Variants in PLXNA4 observed in about 807,000 individuals in gnomAD.
PLXNA4 encodes the protein plexin-A4.
Under a neutral mutation model 191.8 loss-of-function variants are expected in PLXNA4, and 44 were observed. That is an observed-to-expected ratio of 0.23 (90% confidence interval 0.18 to 0.29). PLXNA4 has a LOEUF of 0.29. Among genes scored for constraint, PLXNA4 ranks in the 10% least tolerant of loss-of-function variants. The pLI is 1.00. For synonymous variants in PLXNA4, 1,082 were observed against 1,009.5 expected (o/e 1.07, Z -1.36); for missense variants, 1,800 against 2,488.8 (o/e 0.72, Z 5.89).
chr7:132,361,198 G>T (rs62466416), intron 3 of PLXNA4, among the ~76,000 whole-genome samples: 3 of 152,192 alleles, frequency 2.0e-5, no homozygotes, highest in South Asian at 4.1e-4. Context: ...GAGAAGTGTC[G>T]CAGGTTGGCA....
intron 4 of PLXNA4, among the ~76,000 whole-genome samples, chr7:132,290,102 A>G (rs1246884207): frequency 2.0e-5 from 3 of 152,238 alleles, no homozygotes; most frequent in African/African-American, 4.8e-5. Context: ...GAGCACCGGC[A>G]GCTCAGAAGG....
chr7:132,537,554 T>TA (rs1191805306), intron 1 of PLXNA4, among the ~76,000 whole-genome samples: 1 of 152,206 alleles, frequency 6.6e-6, no homozygotes, highest in Non-Finnish European at 1.5e-5. Flanking sequence ...ATTCTCTAGT[T>TA]AGAGACAAAC....
At chr7:132,590,821 A>G (rs946167588) in intron 2 of PLXNA4, among the ~76,000 whole-genome samples, 7 of 152,234 alleles carry the variant, frequency 4.6e-5, no homozygotes, top group Admixed American at 2.0e-4. Flanking sequence ...TTGGCACTCA[A>G]TATTAACCAT....
chr7:132,449,982 T>G (rs1442126952), intron 3 of PLXNA4, among the ~76,000 whole-genome samples: 1 of 152,230 alleles, frequency 6.6e-6, no homozygotes, highest in African/African-American at 2.4e-5. Flanking sequence ...TGGCCTCTGA[T>G]GAAATGCCTC....
intron 9 of PLXNA4, among the ~76,000 whole-genome samples, chr7:132,221,474 C>A (rs931980880): frequency 2.0e-5 from 3 of 152,152 alleles, no homozygotes; most frequent in Non-Finnish European, 4.4e-5. Context: ...GAAAAGGATT[C>A]TTCTCACATC....
chr7:132,163,780 C>T (rs148412735), intron 24 of PLXNA4, among the ~76,000 whole-genome samples: 79 of 152,336 alleles, frequency 5.2e-4, no homozygotes, highest in African/African-American at 1.9e-3. Flanking sequence ...CTGTCCCCCA[C>T]TCTCTGCCTG....
chr7:132,431,165 C>T (rs373649906), intron 3 of PLXNA4, among the ~76,000 whole-genome samples: 60 of 152,300 alleles, frequency 3.9e-4, no homozygotes, highest in African/African-American at 1.3e-3. Flanking sequence ...AAGTGCTTAC[C>T]CTCGTGCCCT....
chr7:132,135,851 C>T (rs1179049090), intron 30 of PLXNA4, among the ~76,000 whole-genome samples: 2 of 152,112 alleles, frequency 1.3e-5, no homozygotes, highest in Non-Finnish European at 2.9e-5. Context: ...TTTCCTGTTC[C>T]CTTTGCACTG....
chr7:132,332,544 A>G (rs1802629993), intron 3 of PLXNA4, among the ~76,000 whole-genome samples: 1 of 152,104 alleles, frequency 6.6e-6, no homozygotes. Flanking sequence ...CACTGGGAGA[A>G]TTTATTCCAG....
At position 132,576,346 on chromosome 7, in the gene PLXNA4, G is replaced by A; in HGVS notation, c.-87+76C>T. 1 of 977,050 alleles carries A rather than the reference G, an allele frequency of 1.0e-6. No homozygotes were observed. The highest frequency in any genetic ancestry group is 1.2e-6 in the Non-Finnish European group (1 of 822,212). The allele number at this position is 977,050 out of a possible 1,614,324, so 60.5% of individuals were successfully genotyped here. A position where few individuals can be genotyped will look rare whatever the true frequency, so the allele number is the denominator to read the frequency against. On this transcript the variant is annotated intron_variant, in intron 1 of 31. Transcript: ENST00000321063. This position sits in a 1 kb window ranked among gnomAD's most constrained non-coding sequence, Gnocchi z 5.8. ...GGCTCCGGGACACTGAGGACTCCCG[G>A]GTCGGCCCAGGTCTGTCCGACCTTG...
intron 1 of PLXNA4, among the ~76,000 whole-genome samples, chr7:132,524,441 C>T (rs1398636988): frequency 2.6e-5 from 4 of 152,202 alleles, no homozygotes; most frequent in African/African-American, 9.7e-5. Context: ...TCATATACTT[C>T]TTAGCAAGGA....
chr7:132,251,449 G>T (rs1179935656), intron 4 of PLXNA4, among the ~76,000 whole-genome samples: 1 of 152,098 alleles, frequency 6.6e-6, no homozygotes, highest in Non-Finnish European at 1.5e-5. Context: ...CTAACTCCTG[G>T]CCCAGGCAGC....
rs1391879858 is a variant in PLXNA4 at position 132,132,445 on chromosome 7, C to CTGT, written c.5589+601_5589+603dup. Among the ~76,000 whole-genome samples, 29 of 51,672 alleles carry CTGT rather than the reference C, an allele frequency of 5.6e-4. 2 individuals are homozygous for CTGT. Among genetic ancestry groups the CTGT allele is most frequent in the South Asian group, 2.0e-3 (2 of 1,000 alleles). 33.9% of individuals were successfully genotyped at this position (51,672 alleles called of 152,430 possible). A position where few individuals can be genotyped will look rare whatever the true frequency, so the allele number is the denominator to read the frequency against. ...CTGTTCTGTTCTGTTCTGTTCTGTT[C>CTGT]TGTTCTGTTCTGTTCTGTTCTGCTC... On this transcript the variant is annotated intron_variant, in intron 31 of 31. Transcript: ENST00000321063.
intron 3 of PLXNA4, chr7:132,485,103 G>A: frequency 6.4e-7 from 1 of 1,552,680 alleles, no homozygotes; most frequent in Non-Finnish European, 8.7e-7. Flanking sequence ...TTCCCAATAA[G>A]AATGGTTTTT....
chr7:132,295,076 C>T (rs967245018), intron 4 of PLXNA4, among the ~76,000 whole-genome samples: 1 of 152,184 alleles, frequency 6.6e-6, no homozygotes, highest in Admixed American at 6.5e-5. Flanking sequence ...GAAGTGCTTC[C>T]CTTATCTGAC....
intron 3 of PLXNA4, among the ~76,000 whole-genome samples, chr7:132,438,106 C>T (rs746468005): frequency 4.6e-5 from 7 of 152,104 alleles, no homozygotes; most frequent in Non-Finnish European, 1.0e-4. Flanking sequence ...AACCTCAGCA[C>T]GACTTACAGG....
At chr7:132,578,129 G>T (rs976865315), upstream of PLXNA4, among the ~76,000 whole-genome samples, 7 of 152,130 alleles carry the variant, frequency 4.6e-5, no homozygotes, top group African/African-American at 9.7e-5. Context: ...CAGTGAAGAT[G>T]GGGAGTGGGT....
intron 2 of PLXNA4, among the ~76,000 whole-genome samples, chr7:132,641,057 C>T (rs1803733521): frequency 6.6e-6 from 1 of 152,222 alleles, no homozygotes; most frequent in Non-Finnish European, 1.5e-5. Flanking sequence ...TCCACTATTG[C>T]TTCCAAGACT....
At chr7:132,640,016 G>A (rs906014148) in intron 2 of PLXNA4, among the ~76,000 whole-genome samples, 2 of 152,212 alleles carry the variant, frequency 1.3e-5, no homozygotes, top group African/African-American at 2.4e-5. Context: ...ATATTCTAGC[G>A]TTGCGCTATC....
Sources: gnomAD v4.1 joint callset for allele counts (sites outside exome capture counted in the v4.1 genomes callset) on GRCh38, gnomAD v4.1.1 for gene constraint, Gnocchi (gnomAD v3.1) non-coding constraint, MANE v1.5 for transcripts, NCBI Gene and HGNC (gene_info 2026-07-23, HGNC 2026-07-21) for gene names.